The following NDUFAF6 variants were observed in gnomAD, a reference collection of about 807,000 sequenced individuals.
NDUFAF6 encodes NADH:ubiquinone oxidoreductase complex assembly factor 6, also known as NADH dehydrogenase (ubiquinone) complex I, assembly factor 6.
Under a neutral mutation model 40.8 loss-of-function variants are expected in NDUFAF6, and 45 were observed. That is an observed-to-expected ratio of 1.10 (90% CI 0.87 to 1.42). NDUFAF6 has a LOEUF of 1.42. Ranked by LOEUF, NDUFAF6 falls within the 40% of genes most tolerant of loss-of-function variation. The probability of loss-of-function intolerance (pLI) is 0.00; values close to 1 mark genes in which losing one functional copy is unlikely to be tolerated. For synonymous variants in NDUFAF6, 185 were observed against 155.9 expected (o/e 1.19, Z -1.39); for missense variants, 435 against 418.5 (o/e 1.04, Z -0.34).
chr8:95,065,019 T>G (rs1832668139), intron 9 of NDUFAF6, among the ~76,000 whole-genome samples: 1 of 152,054 alleles, frequency 6.6e-6, no homozygotes, highest in South Asian at 2.1e-4. Flanking sequence ...TCCTGGAGGG[T>G]GGAGCTCCCA....
At chr8:95,110,697 G>C (rs73264511) in intron 4 of NDUFAF6, among the ~76,000 whole-genome samples, 3,794 of 152,262 alleles carry the variant, frequency 0.025, 149 homozygotes, top group African/African-American at 0.084. Context: ...ATGTTCTTCT[G>C]CCTCCTCTGT....
chr8:95,033,652 G>A (rs1829127045), intron 2 of NDUFAF6, among the ~76,000 whole-genome samples: 1 of 152,214 alleles, frequency 6.6e-6, no homozygotes, highest in Non-Finnish European at 1.5e-5. Context: ...TACACCAGGG[G>A]TTCCTATTTT....
intron 2 of NDUFAF6, among the ~76,000 whole-genome samples, chr8:95,017,099 A>ATTTT (rs781650429): frequency 9.8e-5 from 11 of 111,886 alleles, no homozygotes; most frequent in African/African-American, 2.5e-4. Context: ...TGCCCAGCTA[A>ATTTT]TTTTTTTTTT....
chr8:95,052,355 C>T (rs1307119349), intron 8 of NDUFAF6, 125 bp downstream of exon 8: 2 of 1,013,696 alleles, frequency 2.0e-6, no homozygotes, highest in Non-Finnish European at 3.0e-6. Context: ...TTCCCTCCCT[C>T]ATGGCGGCTT....
At chr8:94,924,887 C>A (rs930127068) in intron 1 of NDUFAF6, among the ~76,000 whole-genome samples, 3 of 152,168 alleles carry the variant, frequency 2.0e-5, no homozygotes, top group African/African-American at 7.2e-5. Context: ...GGATTACAGG[C>A]GTGTGCCACC....
At chr8:95,013,397 C>T (rs1265737009) in intron 2 of NDUFAF6, among the ~76,000 whole-genome samples, 4 of 152,236 alleles carry the variant, frequency 2.6e-5, no homozygotes, top group Admixed American at 1.3e-4. Flanking sequence ...TGAGCTACTG[C>T]TCCCACACTG....
chr8:95,098,449 C>CCT (rs1318873592), upstream of NDUFAF6, among the ~76,000 whole-genome samples: 1 of 152,000 alleles, frequency 6.6e-6, no homozygotes, highest in African/African-American at 2.4e-5. Context: ...GGGCAGATCA[C>CCT]AAGGTCAGGA....
intron 1 of NDUFAF6, among the ~76,000 whole-genome samples, chr8:94,959,144 C>G (rs1311185532): frequency 1.3e-5 from 2 of 152,184 alleles, no homozygotes; most frequent in African/African-American, 4.8e-5. Context: ...TATCCAATGA[C>G]TTACTCAGGT....
chr8:95,016,986 T>C, intron 2 of NDUFAF6, among the ~76,000 whole-genome samples: 1 of 146,432 alleles, frequency 6.8e-6, no homozygotes, highest in African/African-American at 2.5e-5. Context: ...CAGGCTGGAG[T>C]GCAGCAGCAC....
In NDUFAF6 at chr8:94,917,110, C is replaced by CA. The variant is rs35834003; in HGVS notation, c.-936+21201dup. Among the ~76,000 whole-genome samples, 235 of 89,452 alleles carry CA rather than the reference C, an allele frequency of 2.6e-3. 1 individual carries two copies. The highest frequency in any genetic ancestry group is 6.0e-3 in the African/African-American group (138 of 23,138). The allele number at this position is 89,452 out of a possible 152,430, so 58.7% of individuals were successfully genotyped here. On this transcript the variant is annotated intron_variant, in intron 1 of 14. Transcript: ENST00000396113. ...TGGGTGACAGAGCGAGACTCCATCT[C>CA]AAAAAAAAAAAAAAAAAAGAAAGAA...
chr8:94,939,520 T>C (rs1251557859), intron 1 of NDUFAF6, among the ~76,000 whole-genome samples: 2 of 152,186 alleles, frequency 1.3e-5, no homozygotes, highest in Non-Finnish European at 2.9e-5. Flanking sequence ...CTCAGCCTCC[T>C]GAGTAGCTGG....
intron 1 of NDUFAF6, among the ~76,000 whole-genome samples, chr8:94,907,082 G>A (rs1261856890): frequency 6.6e-6 from 1 of 152,208 alleles, no homozygotes; most frequent in Non-Finnish European, 1.5e-5. Flanking sequence ...GTGAGAGAAT[G>A]TATGTAAAAT....
chr8:95,038,058 AT>A (rs1387503557), intron 3 of NDUFAF6, among the ~76,000 whole-genome samples: 1 of 151,698 alleles, frequency 6.6e-6, no homozygotes, highest in African/African-American at 2.4e-5. Flanking sequence ...TAATTAAAAA[AT>A]TTTTTTTCTA....
chr8:94,992,444 A>G (rs59314609), intron 2 of NDUFAF6, among the ~76,000 whole-genome samples: 44 of 152,266 alleles, frequency 2.9e-4, no homozygotes, highest in African/African-American at 1.0e-3. Context: ...CTGAGATTGC[A>G]CCACTGTACT....
chr8:94,967,736 C>G (rs1824126101), intron 1 of NDUFAF6, among the ~76,000 whole-genome samples: 1 of 151,752 alleles, frequency 6.6e-6, no homozygotes, highest in South Asian at 2.1e-4. Flanking sequence ...AGGTCAGAAG[C>G]TCGAGACCAG....
intron 2 of NDUFAF6, among the ~76,000 whole-genome samples, chr8:95,011,821 AAAG>A (rs1185857769): frequency 1.3e-5 from 2 of 152,218 alleles, no homozygotes; most frequent in Admixed American, 6.5e-5. Context: ...AATTATGTAC[AAAG>A]AAGAAATTTT....
chr8:95,023,282 C>T (rs1200273011), upstream of NDUFAF6: 2 of 152,314 alleles, frequency 1.3e-5, no homozygotes, highest in Admixed American at 1.3e-4. Context: ...GGGTAACACC[C>T]ACCACCGGGG....
At chr8:94,955,660 A>G (rs771959555), upstream of NDUFAF6, among the ~76,000 whole-genome samples, 24 of 152,232 alleles carry the variant, frequency 1.6e-4, no homozygotes, top group Non-Finnish European at 2.4e-4. Flanking sequence ...GGATTTTAAA[A>G]GAAAATAAAA....
At chr8:95,047,255 T>C in intron 6 of NDUFAF6, 128 bp downstream of exon 6, 2 of 1,332,000 alleles carry the variant, frequency 1.5e-6, no homozygotes, top group Non-Finnish European at 2.1e-6. Flanking sequence ...TTACTAAAAA[T>C]GGCCTTCCTC....
Sources: gnomAD v4.1 joint callset for allele counts (sites outside exome capture counted in the v4.1 genomes callset) on GRCh38, gnomAD v4.1.1 for gene constraint, MANE v1.5 for transcripts, NCBI Gene and HGNC (gene_info 2026-07-23, HGNC 2026-07-21) for gene names.